MCM9: variants seen among roughly 807,000 people sequenced by gnomAD.
The protein encoded by MCM9 is minichromosome maintenance 9 homologous recombination repair factor.
MCM9 carries 55 observed loss-of-function variants against 72.8 expected under a neutral mutation model. The ratio of observed to expected loss-of-function variants is 0.76; its 90% CI spans 0.61 to 0.95. The LOEUF (loss-of-function observed/expected upper bound fraction) is 0.95, where lower values mean the gene tolerates loss of function less well. Among genes scored for constraint, MCM9 ranks in the 40% least tolerant of loss-of-function variants. The probability of loss-of-function intolerance (pLI) is 0.00; values close to 1 mark genes in which losing one functional copy is unlikely to be tolerated. For missense variants in MCM9, 1,279 were observed against 1,377.0 expected, an observed-to-expected ratio of 0.93 and a Z score of 1.13; for synonymous variants, 480 against 503.4, an observed-to-expected ratio of 0.95 and a Z score of 0.62.
At chr6:118,834,533 G>A (rs545577709) in intron 9 of MCM9, among the ~76,000 whole-genome samples, 27 of 151,914 alleles carry the variant, frequency 1.8e-4, no homozygotes, top group African/African-American at 6.5e-4. Context: ...TTTCCTGACT[G>A]TTTAATGATC....
rs553051484 is a variant in MCM9 at position 118,888,360 on chromosome 6, G to A, written c.1150+23290C>T. On this transcript the variant is annotated intron_variant, in intron 8 of 13. Coordinates refer to ENST00000619706, the MANE Select transcript of MCM9 (RefSeq NM_017696.3). The stretch of plus-strand genomic sequence containing the variant: ...AAATTAGCCGGGTGTGGTGGCGGGC[G>A]CCTGTAGTCCCAGCTACTCGGGAGG... 2.1e-4 allele frequency among the ~76,000 whole-genome samples: 32 copies of A among 152,186 alleles called. 1 individual carries two copies. In the South Asian group the frequency reaches 5.4e-3, roughly 26 times the overall value.
chr6:118,933,592 C>T (rs562422938), intron 1 of MCM9, among the ~76,000 whole-genome samples: 2 of 152,112 alleles, frequency 1.3e-5, no homozygotes, highest in South Asian at 4.1e-4. Flanking sequence ...TGACTTACTT[C>T]ATTTGTCCAA....
chr6:118,889,699 T>C (rs1778823066), intron 8 of MCM9, among the ~76,000 whole-genome samples: 1 of 152,192 alleles, frequency 6.6e-6, no homozygotes, highest in Non-Finnish European at 1.5e-5. Context: ...TATTAGGCAT[T>C]TCCCTTCAAA....
chr6:118,830,965 C>A (rs763667225), intron 9 of MCM9, among the ~76,000 whole-genome samples: 1 of 152,164 alleles, frequency 6.6e-6, no homozygotes, highest in Non-Finnish European at 1.5e-5. Flanking sequence ...CAGGGAGAAA[C>A]TTCGGTGGGG....
chr6:118,883,107 C>A (rs1778397483), intron 8 of MCM9, among the ~76,000 whole-genome samples: 1 of 144,108 alleles, frequency 6.9e-6, no homozygotes, highest in Non-Finnish European at 1.5e-5. Flanking sequence ...GACAATGTCT[C>A]AACAAATAGA....
chr6:118,900,622 G>C (rs895374720), intron 8 of MCM9: 8 of 636,048 alleles, frequency 1.3e-5, no homozygotes, highest in African/African-American at 9.1e-5. Flanking sequence ...ACTTTATAAG[G>C]AGCATTTCAC....
In MCM9 at chr6:118,829,519, T is replaced by C. The variant is rs148936945; in HGVS notation, c.1326-269A>G. On this transcript the variant is annotated intron_variant, in intron 9 of 13. Transcript: ENST00000619706. ...CCCCTTTGCTAAGTGCTAAGAAGTA[T>C]CCAAAATTAAACCAAACTCTTCTTA... Among the ~76,000 whole-genome samples, 245 of 152,318 alleles carry C rather than the reference T, an allele frequency of 1.6e-3. 2 individuals are homozygous for C. The East Asian group carries it at 0.025, about 15-fold the overall frequency.
chr6:118,932,994 T>A (rs779912039), intron 1 of MCM9, among the ~76,000 whole-genome samples: 1 of 152,160 alleles, frequency 6.6e-6, no homozygotes, highest in African/African-American at 2.4e-5. Flanking sequence ...ATATCTATCA[T>A]GTACAAGGCA....
intron 9 of MCM9, among the ~76,000 whole-genome samples, chr6:118,853,217 T>A (rs1419950745): frequency 1.3e-5 from 2 of 152,254 alleles, no homozygotes; most frequent in Non-Finnish European, 2.9e-5. Flanking sequence ...GACATCGTTC[T>A]TGAATATCAA....
intron 8 of MCM9, chr6:118,905,861 T>C (rs1476809412): frequency 6.7e-7 from 1 of 1,481,496 alleles, no homozygotes; most frequent in Non-Finnish European, 9.1e-7. Flanking sequence ...TTAACTACTT[T>C]TACTATGCAA....
intron 8 of MCM9, among the ~76,000 whole-genome samples, chr6:118,880,416 T>C (rs1399267144): frequency 6.6e-6 from 1 of 152,224 alleles, no homozygotes; most frequent in Non-Finnish European, 1.5e-5. Flanking sequence ...TAAAAAGGTA[T>C]TTATGCAATG....
intron 13 of MCM9, among the ~76,000 whole-genome samples, chr6:118,821,215 G>A (rs780605267): frequency 3.3e-5 from 5 of 152,106 alleles, no homozygotes; most frequent in Non-Finnish European, 5.9e-5. Context: ...TTTCTTCATA[G>A]CATCAACGGT....
Position 118,913,383 on chromosome 6 carries a change from C to T in MCM9, c.942G>A (p.Val314=), listed in dbSNP as rs767738480. The part of the protein sequence containing the change: ...NVILASLCPQ[V]FGMYLVKLAV... Reference sequence around the variant, plus strand: ...CAAGCTTTACTAGATACATTCCAAACACTTGAGGGCACAAGCTAGCCAATA... The same window carrying T: ...CAAGCTTTACTAGATACATTCCAAATACTTGAGGGCACAAGCTAGCCAATA... The change falls in exon 7 of 14, where the codon GTG becomes GTA. Residue 314 remains valine (V), a synonymous_variant. Coordinates refer to ENST00000619706, the MANE Select transcript of MCM9 (RefSeq NM_017696.3). 1.2e-6 allele frequency: 2 copies of T among 1,614,054 alleles called. No homozygotes were observed. The highest frequency in any genetic ancestry group is 3.3e-5 in the Admixed American group (2 of 60,006).
chr6:118,903,892 A>T (rs1779986155), intron 8 of MCM9, among the ~76,000 whole-genome samples: 2 of 152,180 alleles, frequency 1.3e-5, no homozygotes, highest in Admixed American at 1.3e-4. Flanking sequence ...CAGAGCGTGA[A>T]AAGATTATCA....
intron 13 of MCM9, among the ~76,000 whole-genome samples, chr6:118,823,025 A>C (rs1317356208): frequency 1.3e-5 from 2 of 152,230 alleles, no homozygotes; most frequent in African/African-American, 4.8e-5. Context: ...ATTTCAAGCC[A>C]GTGGTTCTTG....
chr6:118,836,488 GT>G (rs1426145852), intron 9 of MCM9, among the ~76,000 whole-genome samples: 3 of 152,152 alleles, frequency 2.0e-5, no homozygotes, highest in African/African-American at 7.2e-5. Context: ...GCTTTTTTGG[GT>G]TGGTAGGCTA....
intron 8 of MCM9, among the ~76,000 whole-genome samples, chr6:118,894,678 C>T (rs900922553): frequency 7.9e-5 from 12 of 152,172 alleles, no homozygotes; most frequent in African/African-American, 2.9e-4. Flanking sequence ...CGACGGCCGC[C>T]GAGGCGCGCG....
chr6:118,925,639 T>G (rs755754406), intron 3 of MCM9, among the ~76,000 whole-genome samples: 1 of 152,192 alleles, frequency 6.6e-6, no homozygotes, highest in Non-Finnish European at 1.5e-5. Context: ...TTTGCCCCTA[T>G]GACTCTTTTT....
Position 118,826,310 on chromosome 6 carries a change from T to C in MCM9, c.1816-18A>G. 1 of 1,545,480 alleles carries C rather than the reference T, an allele frequency of 6.5e-7. No homozygotes were observed. Among genetic ancestry groups the C allele is most frequent in the Non-Finnish European group, 8.7e-7 (1 of 1,144,850 alleles). On this transcript the variant is annotated intron_variant, in intron 12 of 13. Transcript: ENST00000619706. ...GCACCTCCCTGAAGGGGTGAGAAAA[T>C]ACCAGGAGAGTCACCAGGCCAGCCT... is the stretch of plus-strand genomic sequence containing the variant.
Sources: allele counts gnomAD v4.1 joint callset (sites outside exome capture counted in the v4.1 genomes callset), GRCh38; gene constraint gnomAD v4.1.1; transcripts MANE v1.5; gene names NCBI Gene and HGNC (gene_info 2026-07-23, HGNC 2026-07-21).